The following DNHD1 variants were observed in gnomAD, a reference collection of about 807,000 sequenced individuals.
DNHD1 encodes dynein heavy chain domain 1.
DNHD1 carries 383 observed loss-of-function variants against 458.1 expected under a neutral mutation model. That is an observed-to-expected ratio of 0.84 (90% CI 0.77 to 0.91). The LOEUF (loss-of-function observed/expected upper bound fraction) is 0.91. Ranked by LOEUF, DNHD1 falls within the 40% of genes least tolerant of loss-of-function variation. The pLI is 0.00. For missense variants in DNHD1, 5,336 were observed against 5,866.1 expected (o/e 0.91, Z 2.95); for synonymous variants, 2,203 against 2,376.9 (o/e 0.93, Z 2.13).
chr11:6,499,002 A>T, intron 3 of DNHD1, 41 bp downstream of exon 3: 1 of 1,526,418 alleles, frequency 6.6e-7, no homozygotes, highest in Non-Finnish European at 8.8e-7. Context: ...CAGAGGAGAA[A>T]AAGTTGCTGT....
chr11:6,565,171 T>C (rs934642251), intron 32 of DNHD1, among the ~76,000 whole-genome samples: 2 of 152,172 alleles, frequency 1.3e-5, no homozygotes, highest in African/African-American at 2.4e-5. Context: ...AGAGTGTTTA[T>C]TCCCCAGAAG....
rs1853859709 is a variant in DNHD1 at position 6,571,836 on chromosome 11, G to A, written c.14112G>A (p.Val4704=). 2 of 1,613,916 alleles carry A rather than the reference G, an allele frequency of 1.2e-6. No homozygotes were observed. Among genetic ancestry groups the A allele is most frequent in the Non-Finnish European group, 1.7e-6 (2 of 1,179,802 alleles). Residue 4704 remains valine (V), a synonymous_variant, in exon 43 of 43, where the codon GTG becomes GTA. Coordinates refer to ENST00000254579, the MANE Select transcript of DNHD1 (RefSeq NM_144666.3). The surrounding 1 kb of genome is among the most constrained non-coding windows in gnomAD (Gnocchi z 5.0). ...SDLPAPADLT[V]YSCPVYMGGP... ...TGCCAGCCCCAGCCGACCTGACTGTGTACTCGTGTCCTGTGTACATGGGAG... is the reference window on the plus strand; with the variant it reads ...TGCCAGCCCCAGCCGACCTGACTGTATACTCGTGTCCTGTGTACATGGGAG...
chr11:6,566,253 T>C lies in DNHD1; in HGVS notation c.11066T>C (p.Leu3689Ser). The change falls in exon 34 of 43, where the codon TTA becomes TCA. Residue 3689 changes from leucine to serine, a missense_variant. Transcript: ENST00000254579. The stretch of plus-strand genomic sequence containing the variant: ...CTCCCTCTCACAGGCCTGCCTGTGT[T>C]ACTGACCAATGTGGAGCTGGGTCTA... The part of the protein sequence containing the change: ...QEAAACGLPV[L>S]LTNVELGLGC... 1 of 1,551,654 alleles carries C rather than the reference T, an allele frequency of 6.4e-7. No homozygotes were observed.
chr11:6,511,641 C>A (rs1257558655), intron 7 of DNHD1, among the ~76,000 whole-genome samples: 4 of 152,178 alleles, frequency 2.6e-5, no homozygotes, highest in Non-Finnish European at 5.9e-5. Context: ...AGACCTTTCC[C>A]TAAGGGTTGA....
Position 6,557,369 on chromosome 11 carries a change from G to C in DNHD1, c.8074G>C (p.Asp2692His), listed in dbSNP as rs1853488342. The C allele has an allele frequency of 6.4e-7, 1 of 1,551,480 alleles. No homozygotes were observed. ...CGPGPQHLGK[D>H]HQESEEEEEE... ...GCCAGGGCCCCAGCACCTGGGCAAG[G>C]ACCATCAGGAGAGTGAGGAGGAGGA... Residue 2692 changes from aspartate (D) to histidine (H), a missense_variant, in exon 25 of 43, where the codon GAC (aspartate) becomes CAC (histidine). Physicochemically the swap from Asp to His is moderately conservative, Grantham distance 81 (BLOSUM62 -1). Transcript: ENST00000254579.
chr11:6,539,908 C>G lies in DNHD1; in HGVS notation c.3453C>G (p.Ala1151=), dbSNP rs1442210729. ...VWQNENERIH[A]QETIRRLQRY... ...AGAATGAAAATGAACGAATTCATGC[C>G]CAAGAGACTATACGGCGGTTGCAGC... Residue 1151 remains alanine, a synonymous_variant, in exon 18 of 43, where the codon GCC becomes GCG. Coordinates refer to ENST00000254579, the MANE Select transcript of DNHD1 (RefSeq NM_144666.3). 6.4e-7 allele frequency: 1 copy of G among 1,551,738 alleles called. No individual in the cohort carries two copies. The highest frequency in any genetic ancestry group is 1.2e-5 in the South Asian group (1 of 84,064).
intron 10 of DNHD1, among the ~76,000 whole-genome samples, chr11:6,528,177 G>A (rs574050739): frequency 2.0e-5 from 3 of 152,300 alleles, no homozygotes; most frequent in African/African-American, 7.2e-5. Flanking sequence ...ATTTTGCCAG[G>A]CAGAACACAG....
At chr11:6,553,790 G>T (rs980730051) in intron 24 of DNHD1, among the ~76,000 whole-genome samples, 1 of 152,070 alleles carries the variant, frequency 6.6e-6, no homozygotes, top group African/African-American at 2.4e-5. Context: ...TTAATTAAAA[G>T]CATTCAAGAT....
rs191197172 is a variant in DNHD1 at position 6,568,677 on chromosome 11, A to C, written c.12674A>C (p.Gln4225Pro). Residue 4225 changes from glutamine (Q) to proline (P), a missense_variant, in exon 39 of 43, where the codon CAG (glutamine) becomes CCG (proline). Gln to Pro is a moderately conservative substitution (Grantham distance 76). This residue lies in a region of DNHD1 where 695 missense variants were observed against 804.2 expected (regional missense o/e 0.86). Transcript: ENST00000254579. ...SSASLPAVLTQHSMPVFWNQS... is the reference protein window; with the variant it reads ...SSASLPAVLTPHSMPVFWNQS... ...CCTTCCTCCCCAGCTGTGCTGACTC[A>C]GCACTCCATGCCTGTTTTCTGGAAC... 5.0e-6 allele frequency: 8 copies of C among 1,613,936 alleles called. No homozygotes were observed. In the Admixed American group the frequency reaches 5.0e-5, roughly 10 times the overall value.
rs778026271 is a variant in DNHD1 at position 6,538,699 on chromosome 11, G to A, written c.3214G>A (p.Val1072Met). Residue 1072 changes from valine (V) to methionine (M), a missense_variant, in exon 16 of 43, where the codon GTG becomes ATG. Physicochemically the swap from Val to Met is conservative, Grantham distance 21. Transcript: ENST00000254579. Reference protein sequence around the residue: ...MSTTLELHSPVLQHCMRILGE... With the variant: ...MSTTLELHSPMLQHCMRILGE... ...CACAACCCTGGAGCTGCACAGCCCC[G>A]TGCTGCAGCACTGCATGCGCATCCT... 98 of 1,550,054 alleles carry A rather than the reference G, an allele frequency of 6.3e-5. 1 individual carries two copies. In the Admixed American group the frequency reaches 1.7e-3, roughly 27 times the overall value.
intron 4 of DNHD1, chr11:6,504,127 C>T (rs73402921): frequency 1.5e-3 from 234 of 152,332 alleles, no homozygotes; most frequent in African/African-American, 5.5e-3. Context: ...ATCTCTTGAA[C>T]TTAGGTAGCA....
chr11:6,533,872 C>T lies in DNHD1; in HGVS notation c.2697C>T (p.Leu899=). The change falls in exon 14 of 43, where the codon CTC becomes CTT. Residue 899 remains leucine, a synonymous_variant. Coordinates refer to ENST00000254579, the MANE Select transcript of DNHD1 (RefSeq NM_144666.3). ...PCPPPPQPHL[L]HCPLLAPQLL... ...CTCCTCCCCCACAACCACATCTACT[C>T]CACTGCCCTCTGCTTGCCCCACAGC... 1.3e-6 allele frequency: 2 copies of T among 1,551,038 alleles called. No homozygotes were observed. The highest frequency in any genetic ancestry group is 2.4e-5 in the East Asian group (1 of 40,854).
At chr11:6,532,456 TCATACTAC>T (rs1248769172) in intron 12 of DNHD1, among the ~76,000 whole-genome samples, 2 of 152,224 alleles carry the variant, frequency 1.3e-5, no homozygotes, top group African/African-American at 4.8e-5. Flanking sequence ...AAAAGGCAGA[TCATACTAC>T]CTTCTTGGTC....
At position 6,546,831 on chromosome 11, in the gene DNHD1, T is replaced by G. The variant is rs1589886017; in HGVS notation, c.5892T>G (p.Gly1964=). 1 of 1,551,748 alleles carries G rather than the reference T, an allele frequency of 6.4e-7. No homozygotes were observed. The highest frequency in any genetic ancestry group is 8.7e-7 in the Non-Finnish European group (1 of 1,146,994). The change falls in exon 21 of 43, where the codon GGT becomes GGG. Residue 1964 remains glycine (G), a synonymous_variant. Transcript: ENST00000254579. ...TGGTGGAGGAACTGCAACAGGTAGG[T>G]CTGGATCCCAGCCCTGACATTTTGG... ...PLVVEELQQV[G]LDPSPDILGS... is the part of the protein sequence containing the mutation.
chr11:6,555,729 T>G (rs1384254061), intron 24 of DNHD1, among the ~76,000 whole-genome samples: 1 of 152,216 alleles, frequency 6.6e-6, no homozygotes, highest in Non-Finnish European at 1.5e-5. Flanking sequence ...TATATGAGGT[T>G]CTAGAACAGA....
chr11:6,539,349 CAAAGCCAGGACCTGTAAT>C, intron 17 of DNHD1, 36 bp downstream of exon 17: 2 of 1,453,592 alleles, frequency 1.4e-6, no homozygotes, highest in Non-Finnish European at 1.9e-6. Context: ...GGAGGTGGTC[CAAAGCCAGGACCTGTAAT>C]AAAGCCAGTC....
intron 33 of DNHD1, 123 bp from the exon 34 acceptor site, chr11:6,566,118 G>A: frequency 2.7e-6 from 4 of 1,479,756 alleles, no homozygotes; most frequent in East Asian, 2.5e-5. Flanking sequence ...CTATATTGAA[G>A]CGTCTTGTGG....
At chr11:6,513,446 G>A (rs1315646291) in intron 7 of DNHD1, among the ~76,000 whole-genome samples, 1 of 152,142 alleles carries the variant, frequency 6.6e-6, no homozygotes, top group Non-Finnish European at 1.5e-5. Flanking sequence ...TGAATTTCAT[G>A]TAACTAGAAT....
In DNHD1 at chr11:6,511,196, C is replaced by T. The variant is rs188023799; in HGVS notation, c.1236-77C>T. The T allele has an allele frequency of 3.9e-6, 6 of 1,551,380 alleles. No individual in the cohort carries two copies. The South Asian group carries it at 4.8e-5, about 12-fold the overall frequency. On this transcript the variant is annotated intron_variant, in intron 6 of 42. Transcript: ENST00000254579. ...AAATATTTGTGCAGTCTGAGGTAAG[C>T]TAGGCTGAGAAGAGGTCAAAGGTAT...
Sources: gnomAD v4.1 joint callset for allele counts (sites outside exome capture counted in the v4.1 genomes callset) on GRCh38, gnomAD v4.1.1 for gene constraint, gnomAD v4.1.1 regional missense constraint, Gnocchi (gnomAD v3.1) non-coding constraint, MANE v1.5 for transcripts, NCBI Gene and HGNC (gene_info 2026-07-23, HGNC 2026-07-21) for gene names.